AKT3: variants seen among roughly 807,000 people sequenced by gnomAD.
AKT3 encodes the protein AKT serine/threonine kinase 3, also known as RAC-gamma serine/threonine-protein kinase.
A neutral mutation model predicts 65.3 loss-of-function variants in AKT3; 15 were observed. The observed-to-expected ratio is 0.23, with a 90% CI of 0.15 to 0.35. The LOEUF is 0.35. AKT3 is among the 10% of genes least tolerant of loss of function. The pLI is 1.00. For synonymous variants in AKT3, 206 were observed against 183.8 expected (o/e 1.12, Z -0.98); for missense variants, 243 against 576.5 (o/e 0.42, Z 5.92).
At chr1:243,821,294 G>T (rs1370433116) in intron 2 of AKT3, among the ~76,000 whole-genome samples, 1 of 152,084 alleles carries the variant, frequency 6.6e-6, no homozygotes, top group Non-Finnish European at 1.5e-5. Context: ...GACTAAATAT[G>T]AAAAGGAAAA....
chr1:243,608,291 A>T (rs1677583797), intron 8 of AKT3, among the ~76,000 whole-genome samples: 1 of 152,216 alleles, frequency 6.6e-6, no homozygotes, highest in Admixed American at 6.5e-5. Flanking sequence ...CAAACACATA[A>T]AAATCACAAG....
chr1:243,846,363 A>G (rs960901001), intron 1 of AKT3, among the ~76,000 whole-genome samples: 1 of 152,162 alleles, frequency 6.6e-6, no homozygotes, highest in East Asian at 1.9e-4. Context: ...GGAATTATCT[A>G]ATATAGGGAA....
At chr1:243,646,346 C>CAT (rs1328414036) in intron 4 of AKT3, among the ~76,000 whole-genome samples, 2 of 150,906 alleles carry the variant, frequency 1.3e-5, no homozygotes, top group South Asian at 2.1e-4. Flanking sequence ...TTTGTCTGTA[C>CAT]ATATATATAT....
In AKT3 at chr1:243,695,577, T is replaced by C. The variant is rs1401970330; in HGVS notation, c.172+14A>G. 4 of 1,571,506 alleles carry C rather than the reference T, an allele frequency of 2.5e-6. No individual in the cohort carries two copies. Among genetic ancestry groups the C allele is most frequent in the Non-Finnish European group, 3.5e-6 (4 of 1,156,014 alleles). ...AATAAATACAAGATGAATCAACAAT[T>C]ATAATTAACTTACTTGCCACTGAAA... On this transcript the variant is annotated intron_variant, in intron 3 of 13. Transcript: ENST00000673466.
intron 3 of AKT3, among the ~76,000 whole-genome samples, chr1:243,671,110 G>A (rs377499942): frequency 5.0e-4 from 70 of 138,848 alleles, no homozygotes; most frequent in African/African-American, 1.8e-3. Context: ...ACGGAGTCTC[G>A]CTCTGTTGCC....
At chr1:243,801,517 T>C (rs1692381185) in intron 2 of AKT3, among the ~76,000 whole-genome samples, 2 of 152,200 alleles carry the variant, frequency 1.3e-5, no homozygotes, top group Non-Finnish European at 2.9e-5. Flanking sequence ...CTGATGTTTA[T>C]CCAGCCAACA....
intron 8 of AKT3, among the ~76,000 whole-genome samples, chr1:243,591,557 T>G (rs184245865): frequency 6.6e-6 from 1 of 152,262 alleles, no homozygotes; most frequent in African/African-American, 2.4e-5. Flanking sequence ...TAATAACCTA[T>G]AATCAGGAGA....
chr1:243,633,966 G>A (rs1199538340), intron 6 of AKT3, among the ~76,000 whole-genome samples: 3 of 152,060 alleles, frequency 2.0e-5, no homozygotes, highest in Admixed American at 1.3e-4. Context: ...TATTAGTGGA[G>A]GATATGTTTT....
chr1:243,661,271 C>A (rs1305294883), intron 4 of AKT3, among the ~76,000 whole-genome samples: 1 of 152,206 alleles, frequency 6.6e-6, no homozygotes, highest in African/African-American at 2.4e-5. Flanking sequence ...GCCAAAAGAA[C>A]AAAGCTGGAG....
chr1:243,642,451 A>G lies in AKT3; in HGVS notation c.429+3442T>C, dbSNP rs537352542. On this transcript the variant is annotated intron_variant, in intron 5 of 13. Coordinates refer to ENST00000673466, the MANE Select transcript of AKT3 (RefSeq NM_005465.7). ...CAGCCTCCCGAGTAGCTGGGACTAC[A>G]GGCGCCCGCCACCACGCCTGGTTAA... Among the ~76,000 whole-genome samples the G allele has an allele frequency of 6.4e-4, 98 of 152,274 alleles. 1 individual carries two copies. The highest frequency in any genetic ancestry group is 2.1e-3 in the African/African-American group (89 of 41,556).
At chr1:243,612,541 A>T in intron 8 of AKT3, 1 of 154,120 alleles carries the variant, frequency 6.5e-6, no homozygotes, top group Non-Finnish European at 1.4e-5. Flanking sequence ...CATGAGACAC[A>T]AACAAGACCC....
At chr1:243,523,260 AACACACACACACACAC>A (rs547403507) in intron 12 of AKT3, among the ~76,000 whole-genome samples, 43 of 126,510 alleles carry the variant, frequency 3.4e-4, no homozygotes, top group Admixed American at 1.7e-3. Flanking sequence ...AAAAAGGACG[AACACACACACACACAC>A]ACACACACAC....
chr1:243,850,081 G>A lies in AKT3; in HGVS notation c.-154C>T, dbSNP rs1335406272. 4 of 837,740 alleles carry A rather than the reference G, an allele frequency of 4.8e-6. No individual in the cohort carries two copies. Among genetic ancestry groups the A allele is most frequent in the Non-Finnish European group, 5.7e-6 (4 of 696,808 alleles). 51.9% of individuals were successfully genotyped at this position (837,740 alleles called of 1,614,324 possible). The stretch of plus-strand genomic sequence containing the variant: ...GGCGGTGGCGGCCCCGCAGCTGCTC[G>A]GGCGGCGGCGGAGGATGGAGCCGGG... On this transcript the variant is annotated 5_prime_UTR_variant, in exon 1 of 14. Transcript: ENST00000673466.
intron 4 of AKT3, among the ~76,000 whole-genome samples, chr1:243,662,528 G>A (rs1268041601): frequency 1.4e-5 from 2 of 142,442 alleles, no homozygotes; most frequent in Non-Finnish European, 1.5e-5. Context: ...GACACAGGAA[G>A]GGGAACATCA....
rs768201175 is a variant in AKT3 at position 243,505,193 on chromosome 1, G to C, written c.*56C>G. The C allele has an allele frequency of 6.4e-5, 97 of 1,506,374 alleles. No homozygotes were observed. The highest frequency in any genetic ancestry group is 8.8e-5 in the Non-Finnish European group (95 of 1,084,392). The allele number at this position is 1,506,374 out of a possible 1,614,324, so 93.3% of individuals were successfully genotyped here. On this transcript the variant is annotated 3_prime_UTR_variant, in exon 14 of 14. Transcript: ENST00000673466. ...AAGAGCTAGGACTGGTGATGTCCAG[G>C]AATCATTTTCAGTAATAAATTGAAG...
intron 9 of AKT3, among the ~76,000 whole-genome samples, chr1:243,566,672 T>G (rs1233523374): frequency 6.6e-6 from 1 of 152,180 alleles, no homozygotes; most frequent in Admixed American, 6.6e-5. Flanking sequence ...GGCATATTAT[T>G]AATTTCTACG....
intron 6 of AKT3, among the ~76,000 whole-genome samples, chr1:243,617,818 C>T (rs935173920): frequency 3.3e-5 from 5 of 151,336 alleles, no homozygotes; most frequent in South Asian, 2.1e-4. Flanking sequence ...ATGGTGGCAG[C>T]GGAAAAAGAA....
intron 2 of AKT3, among the ~76,000 whole-genome samples, chr1:243,800,666 CA>C (rs1692326397): frequency 6.6e-6 from 1 of 151,770 alleles, no homozygotes; most frequent in African/African-American, 2.4e-5. Flanking sequence ...TGCAGTGAGC[CA>C]AGATCGCGCC....
chr1:243,527,968 C>A (rs560686122), intron 12 of AKT3, among the ~76,000 whole-genome samples: 38 of 149,684 alleles, frequency 2.5e-4, no homozygotes, highest in Middle Eastern at 3.5e-3. Context: ...GAATTTGAGG[C>A]CTTCAGTCAG....
Sources: gnomAD v4.1 joint callset for allele counts (sites outside exome capture counted in the v4.1 genomes callset) on GRCh38, gnomAD v4.1.1 for gene constraint, MANE v1.5 for transcripts, NCBI Gene and HGNC (gene_info 2026-07-23, HGNC 2026-07-21) for gene names.